RIT2: variants seen among roughly 807,000 people sequenced by gnomAD.
RIT2 encodes Ras like without CAAX 2.
A neutral mutation model predicts 23.7 loss-of-function variants in RIT2; 24 were observed. That is an observed-to-expected ratio of 1.01 (90% CI 0.73 to 1.43). The LOEUF is 1.43. Ranked by LOEUF, RIT2 falls within the 40% of genes most tolerant of loss-of-function variation. The pLI is 0.00. For missense variants in RIT2, 236 were observed against 266.9 expected (o/e 0.88, Z 0.81); for synonymous variants, 107 against 91.1 (o/e 1.17, Z -0.99).
In RIT2 at chr18:42,786,101, C is replaced by T. The variant is rs1034398641; in HGVS notation, c.427-42381G>A. Among the ~76,000 whole-genome samples the T allele has an allele frequency of 2.0e-5, 3 of 152,012 alleles. No homozygotes were observed. In the South Asian group the frequency reaches 6.2e-4, roughly 31 times the overall value. ...AGGTGAATGGCTCAAATTTTTGGCA[C>T]ATGAGGACAGCAAAAAGAAAACAAA... On this transcript the variant is annotated intron_variant, in intron 4 of 4. Transcript: ENST00000326695.
intron 3 of RIT2, among the ~76,000 whole-genome samples, chr18:42,945,126 A>T (rs1909696934): frequency 6.6e-6 from 1 of 152,112 alleles, no homozygotes; most frequent in East Asian, 1.9e-4. Flanking sequence ...AATTAATTAC[A>T]TTAATTTCTA....
At chr18:42,956,045 C>G (rs1389932328) in intron 3 of RIT2, among the ~76,000 whole-genome samples, 2 of 152,116 alleles carry the variant, frequency 1.3e-5, no homozygotes, top group African/African-American at 4.8e-5. Context: ...CTAGGTGATT[C>G]AAGTATGCAG....
At chr18:42,959,277 G>GT (rs1217620695) in intron 3 of RIT2, among the ~76,000 whole-genome samples, 1 of 152,164 alleles carries the variant, frequency 6.6e-6, no homozygotes, top group Non-Finnish European at 1.5e-5. Context: ...GCTAAAAACT[G>GT]TAAGGACATT....
At chr18:42,745,601 G>A (rs541225945) in intron 4 of RIT2, among the ~76,000 whole-genome samples, 2 of 152,060 alleles carry the variant, frequency 1.3e-5, no homozygotes, top group East Asian at 3.9e-4. Context: ...TGGTAAACAT[G>A]CCAATTTTTT....
chr18:43,115,611 A>G lies in RIT2; in HGVS notation c.-92T>C. On this transcript the variant is annotated 5_prime_UTR_variant, in exon 1 of 5. Coordinates refer to ENST00000326695, the MANE Select transcript of RIT2 (RefSeq NM_002930.4). Reference sequence around the variant, plus strand: ...TTAAGCAACTCTAAAACTGTGTCAAAGCAAAGGTTTTAGTACGAGGTAAGA... The same window carrying G: ...TTAAGCAACTCTAAAACTGTGTCAAGGCAAAGGTTTTAGTACGAGGTAAGA... The G allele has an allele frequency of 6.7e-7, 1 of 1,498,434 alleles. No homozygotes were observed. The highest frequency in any genetic ancestry group is 2.4e-5 in the East Asian group (1 of 41,626). 92.8% of individuals were successfully genotyped at this position (1,498,434 alleles called of 1,614,324 possible). A position where few individuals can be genotyped will look rare whatever the true frequency, so the allele number is the denominator to read the frequency against.
At chr18:42,786,124 A>G (rs1913916957) in intron 4 of RIT2, among the ~76,000 whole-genome samples, 1 of 152,180 alleles carries the variant, frequency 6.6e-6, no homozygotes, top group Admixed American at 6.5e-5. Flanking sequence ...AAAAGAAAAC[A>G]AAAACCAGTG....
At chr18:43,100,942 T>C (rs1913668384) in intron 1 of RIT2, among the ~76,000 whole-genome samples, 1 of 152,078 alleles carries the variant, frequency 6.6e-6, no homozygotes, top group South Asian at 2.1e-4. Flanking sequence ...TTTGTGTGTG[T>C]ATGTGTGTGT....
At chr18:42,866,286 A>G (rs937775438) in intron 4 of RIT2, among the ~76,000 whole-genome samples, 12 of 152,204 alleles carry the variant, frequency 7.9e-5, no homozygotes, top group African/African-American at 2.7e-4. Flanking sequence ...AAAGGAACAA[A>G]TGTACATTTA....
chr18:42,934,233 A>T (rs751498818), intron 3 of RIT2, among the ~76,000 whole-genome samples: 12 of 152,134 alleles, frequency 7.9e-5, no homozygotes, highest in South Asian at 2.1e-4. Flanking sequence ...TGCTCAATCA[A>T]ATAATTTGGT....
chr18:42,841,192 A>G (rs1299904212), intron 4 of RIT2, among the ~76,000 whole-genome samples: 6 of 152,206 alleles, frequency 3.9e-5, no homozygotes, highest in African/African-American at 1.2e-4. Context: ...AAAAACGCAA[A>G]CAGGCATGAT....
At chr18:42,881,852 C>T (rs1907903843) in intron 4 of RIT2, among the ~76,000 whole-genome samples, 1 of 152,098 alleles carries the variant, frequency 6.6e-6, no homozygotes, top group Admixed American at 6.5e-5. Flanking sequence ...GTAGTAACAC[C>T]TAGATAGTGA....
At chr18:42,829,009 C>T (rs913928582) in intron 4 of RIT2, among the ~76,000 whole-genome samples, 2 of 152,088 alleles carry the variant, frequency 1.3e-5, no homozygotes, top group African/African-American at 4.8e-5. Context: ...ACAGGTGTTG[C>T]CTCGGTGACC....
chr18:43,080,612 C>T (rs1913134719), intron 1 of RIT2, among the ~76,000 whole-genome samples: 1 of 152,166 alleles, frequency 6.6e-6, no homozygotes, highest in African/African-American at 2.4e-5. Context: ...TACATTTAGG[C>T]TTGAAAAATT....
chr18:42,861,246 T>G (rs1907319260), intron 4 of RIT2, among the ~76,000 whole-genome samples: 1 of 152,224 alleles, frequency 6.6e-6, no homozygotes, highest in East Asian at 1.9e-4. Context: ...TCAGATAATA[T>G]ATGAGTAATG....
At chr18:42,868,920 G>A (rs868213818) in intron 4 of RIT2, among the ~76,000 whole-genome samples, 10 of 152,190 alleles carry the variant, frequency 6.6e-5, no homozygotes, top group Non-Finnish European at 8.8e-5. Flanking sequence ...ATGACAGTCC[G>A]GACTGGGCTT....
chr18:42,933,717 A>T (rs2144148177), intron 3 of RIT2, among the ~76,000 whole-genome samples: 1 of 152,192 alleles, frequency 6.6e-6, no homozygotes, highest in South Asian at 2.1e-4. Flanking sequence ...GCTGAACTGT[A>T]AGTCAATTAA....
intron 4 of RIT2, among the ~76,000 whole-genome samples, chr18:42,870,619 A>G (rs1907596395): frequency 6.6e-6 from 1 of 152,198 alleles, no homozygotes. Context: ...ACTCATCTTT[A>G]AAACGCTACT....
At chr18:42,751,868 TTA>T (rs1257331988) in intron 4 of RIT2, among the ~76,000 whole-genome samples, 4 of 152,184 alleles carry the variant, frequency 2.6e-5, no homozygotes, top group African/African-American at 9.6e-5. Flanking sequence ...CCTAAAGTTT[TTA>T]TGTTTTAAGA....
chr18:43,026,704 A>G (rs1048471494), intron 2 of RIT2, among the ~76,000 whole-genome samples: 2 of 151,442 alleles, frequency 1.3e-5, no homozygotes, highest in African/African-American at 4.8e-5. Context: ...AGAAAGAACC[A>G]GAAGTCAGCT....
Sources: allele counts gnomAD v4.1 joint callset (sites outside exome capture counted in the v4.1 genomes callset), GRCh38; gene constraint gnomAD v4.1.1; transcripts MANE v1.5; gene names NCBI Gene and HGNC (gene_info 2026-07-23, HGNC 2026-07-21).